Variants in UVSSA observed in about 807,000 individuals in gnomAD.
UVSSA encodes UV stimulated scaffold protein A.
UVSSA carries 72 observed loss-of-function variants against 73.9 expected under a neutral mutation model. The observed-to-expected ratio is 0.97, with a 90% CI of 0.81 to 1.19. The LOEUF (loss-of-function observed/expected upper bound fraction) is 1.19. UVSSA is among the 50% of genes most tolerant of loss of function. The pLI is 0.00. For synonymous variants in UVSSA, 454 were observed against 391.3 expected (o/e 1.16, Z -1.89); for missense variants, 1,150 against 965.0 (o/e 1.19, Z -2.54).
At chr4:1,382,054 C>G (rs908961869) in intron 12 of UVSSA, among the ~76,000 whole-genome samples, 2 of 152,174 alleles carry the variant, frequency 1.3e-5, no homozygotes, top group African/African-American at 4.8e-5. Flanking sequence ...TCTGGGGGCC[C>G]AGGATCCCTT....
At chr4:1,346,548 C>T (rs563520588), upstream of UVSSA, among the ~76,000 whole-genome samples, 81 of 152,310 alleles carry the variant, frequency 5.3e-4, no homozygotes, top group African/African-American at 1.9e-3. Flanking sequence ...CCAGGGGTAC[C>T]TGCTGTGCGT....
At chr4:1,380,641 A>G (rs1719367590) in intron 11 of UVSSA, 1 of 1,523,302 alleles carries the variant, frequency 6.6e-7, no homozygotes, top group African/African-American at 1.4e-5. Flanking sequence ...GGAGGCCTAG[A>G]CTTTCCACAG....
At chr4:1,390,319 G>A (rs1720375429), downstream of UVSSA, 2 of 152,100 alleles carry the variant, frequency 1.3e-5, no homozygotes, top group African/African-American at 2.4e-5. Flanking sequence ...ATTTTTGAGA[G>A]ACAAGATCTC....
chr4:1,353,055 C>T lies in UVSSA; in HGVS notation c.576C>T (p.Cys192=). Residue 192 remains cysteine (C), a synonymous_variant, in exon 5 of 14, where the codon TGC becomes TGT. Coordinates refer to ENST00000389851, the MANE Select transcript of UVSSA (RefSeq NM_020894.4). The part of the protein sequence containing the change: ...MQEMSGEIES[C]LTEVESCFRL... ...AAATGTCTGGAGAAATTGAATCCTG[C>T]TTGACGGAGGTAGAGAGCTGCTTTA... 1.2e-6 allele frequency: 2 copies of T among 1,611,790 alleles called. No homozygotes were observed. The highest frequency in any genetic ancestry group is 1.7e-5 in the Admixed American group (1 of 59,902).
intron 8 of UVSSA, among the ~76,000 whole-genome samples, chr4:1,371,359 C>G (rs1718017027): frequency 6.6e-6 from 1 of 151,994 alleles, no homozygotes; most frequent in Non-Finnish European, 1.5e-5. Flanking sequence ...TTTTGACGCT[C>G]TGTTCTGTGG....
At chr4:1,379,432 G>A (rs765518308) in intron 10 of UVSSA, among the ~76,000 whole-genome samples, 1 of 152,200 alleles carries the variant, frequency 6.6e-6, no homozygotes, top group Non-Finnish European at 1.5e-5. Context: ...GCCGGAAAGC[G>A]TCCCTAACCA....
intron 1 of UVSSA, 107 bp from the exon 2 acceptor site, chr4:1,347,983 C>A: frequency 1.1e-6 from 1 of 893,230 alleles, no homozygotes; most frequent in Non-Finnish European, 1.8e-6. Flanking sequence ...GCCTCAGGGT[C>A]CTCCCGGAGC....
exon 14 of UVSSA, chr4:1,393,812 A>G (rs1720461480): frequency 1.3e-5 from 2 of 158,198 alleles, no homozygotes; most frequent in South Asian, 3.6e-4. Flanking sequence ...TGGAAATCAG[A>G]TACCCTCTCC....
At chr4:1,374,635 C>A (rs773397302) in intron 8 of UVSSA, among the ~76,000 whole-genome samples, 11 of 152,216 alleles carry the variant, frequency 7.2e-5, no homozygotes, top group Admixed American at 2.0e-4. Context: ...CCCTCTTCGA[C>A]GGGCACTCCG....
chr4:1,377,703 G>A (rs1185745794), intron 10 of UVSSA, among the ~76,000 whole-genome samples: 3 of 152,152 alleles, frequency 2.0e-5, no homozygotes, highest in South Asian at 2.1e-4. Context: ...GCAGCTGCTG[G>A]TGAGGACCCG....
intron 2 of UVSSA, among the ~76,000 whole-genome samples, chr4:1,348,835 A>G (rs569270886): frequency 1.3e-5 from 2 of 152,328 alleles, no homozygotes; most frequent in South Asian, 2.1e-4. Context: ...GCAATGGTTT[A>G]TGTGGGGTCA....
intron 7 of UVSSA, among the ~76,000 whole-genome samples, chr4:1,365,002 C>T (rs12643191): frequency 3.9e-5 from 6 of 152,284 alleles, no homozygotes; most frequent in Middle Eastern, 3.4e-3. Flanking sequence ...TGTCCTGGGC[C>T]GTGGTGGGGC....
intron 8 of UVSSA, among the ~76,000 whole-genome samples, chr4:1,373,748 G>A (rs1048316740): frequency 2.6e-5 from 4 of 152,096 alleles, no homozygotes; most frequent in African/African-American, 9.7e-5. Context: ...ACACCTGCGC[G>A]TCCCCCACAC....
In UVSSA at chr4:1,352,028, G is replaced by C. The variant is rs534832402; in HGVS notation, c.550+193G>C. On this transcript the variant is annotated intron_variant, in intron 4 of 13. Coordinates refer to ENST00000389851, the MANE Select transcript of UVSSA (RefSeq NM_020894.4). ...CCCAGGCTGTCCATGCCTCTCCCGCGCCCTCTGGTGGTCACATTCATCCAC... is the reference window on the plus strand; with the variant it reads ...CCCAGGCTGTCCATGCCTCTCCCGCCCCCTCTGGTGGTCACATTCATCCAC... Among the ~76,000 whole-genome samples, 7 of 152,364 alleles carry C rather than the reference G, an allele frequency of 4.6e-5. No individual in the cohort carries two copies. In the South Asian group the frequency reaches 1.4e-3, roughly 32 times the overall value.
At chr4:1,351,006 A>G (rs896883296) in intron 3 of UVSSA, among the ~76,000 whole-genome samples, 2 of 151,052 alleles carry the variant, frequency 1.3e-5, no homozygotes, top group Non-Finnish European at 3.0e-5. Context: ...CCCTGGTCCA[A>G]GTGATCCTCC....
In UVSSA at chr4:1,374,195, A is replaced by T. The variant is rs537650733; in HGVS notation, c.1289-1169A>T. On this transcript the variant is annotated intron_variant, in intron 8 of 13. Coordinates refer to ENST00000389851, the MANE Select transcript of UVSSA (RefSeq NM_020894.4). ...GGGGTCCTGAGCCCCCCTGGCCGGC[A>T]GCCCACAGGGGAGGACAGGCTCAAG... Among the ~76,000 whole-genome samples, 189 of 152,316 alleles carry T rather than the reference A, an allele frequency of 1.2e-3. 1 individual carries two copies. Among genetic ancestry groups the T allele is most frequent in the African/African-American group, 4.4e-3 (183 of 41,570 alleles).
At chr4:1,359,221 C>T (rs13140040) in intron 7 of UVSSA, 44,585 of 151,934 alleles carry the variant, frequency 0.29, 7,893 homozygotes, top group Non-Finnish European at 0.4. Flanking sequence ...AAATACTCAA[C>T]GCTGGTTTGA....
chr4:1,348,930 C>T (rs992945276), intron 2 of UVSSA, among the ~76,000 whole-genome samples: 1 of 152,110 alleles, frequency 6.6e-6, no homozygotes, highest in Non-Finnish European at 1.5e-5. Flanking sequence ...AGGAGGCACC[C>T]AGCTGAAACA....
In UVSSA at chr4:1,387,949, A is replaced by C. The variant is rs1720266434; in HGVS notation, c.*1988A>C. On this transcript the variant is annotated 3_prime_UTR_variant, in exon 14 of 14. Transcript: ENST00000389851. Reference sequence around the variant, plus strand: ...GATCCACTCATCAGTTTCTTCAAAAAAAAAAAAAAAGCAGCTGAGATTTTT... The same window carrying C: ...GATCCACTCATCAGTTTCTTCAAAACAAAAAAAAAAGCAGCTGAGATTTTT... 1.3e-5 allele frequency: 2 copies of C among 152,222 alleles called. No homozygotes were observed. The highest frequency in any genetic ancestry group is 4.1e-4 in the South Asian group (2 of 4,828). 9.4% of individuals were successfully genotyped at this position (152,222 alleles called of 1,614,324 possible).
Sources: allele counts gnomAD v4.1 joint callset (sites outside exome capture counted in the v4.1 genomes callset), GRCh38; gene constraint gnomAD v4.1.1; transcripts MANE v1.5; gene names NCBI Gene and HGNC (gene_info 2026-07-23, HGNC 2026-07-21).